The following PEX6 variants were observed in gnomAD, a reference collection of about 807,000 sequenced individuals.
PEX6 encodes peroxisomal biogenesis factor 6, also known as peroxisome biogenesis factor 6.
A neutral mutation model predicts 85.6 loss-of-function variants in PEX6; 55 were observed. That is an observed-to-expected ratio of 0.64 (90% CI 0.52 to 0.80). The LOEUF (loss-of-function observed/expected upper bound fraction) is 0.80, where lower values mean the gene tolerates loss of function less well. Ranked by LOEUF, PEX6 falls within the 30% of genes least tolerant of loss-of-function variation. The probability of loss-of-function intolerance (pLI) is 0.00; values close to 1 mark genes in which losing one functional copy is unlikely to be tolerated. For synonymous variants in PEX6, 519 were observed against 549.1 expected (o/e 0.95, Z 0.77); for missense variants, 1,099 against 1,260.3 (o/e 0.87, Z 1.94).
intron 3 of PEX6, among the ~76,000 whole-genome samples, chr6:42,972,940 C>T (rs1270605864): frequency 5.9e-5 from 9 of 152,098 alleles, no homozygotes; most frequent in South Asian, 2.1e-4. Context: ...AGGCTAAGAA[C>T]GGAAAGGAAG....
rs1158579220 is a variant in PEX6 at position 42,968,302 on chromosome 6, T to C, written c.1676A>G (p.Asp559Gly). ...AVLRHLLLNE[D>G]PLNSCPPLMV... ...TCTGTATAAGTACCTGTTGAGGGGG[T>C]CCTCATTGAGGAGGAGGTGACGCAG... The change falls in exon 7 of 17, where the codon GAC (aspartate) becomes GGC (glycine). Residue 559 changes from aspartate to glycine, a missense_variant. Physicochemically the swap from Asp to Gly is moderately conservative, Grantham distance 94. Coordinates refer to ENST00000304611, the MANE Select transcript of PEX6 (RefSeq NM_000287.4). 6.2e-6 allele frequency: 10 copies of C among 1,613,450 alleles called. No homozygotes were observed. The highest frequency in any genetic ancestry group is 7.6e-6 in the Non-Finnish European group (9 of 1,179,814).
In PEX6 at chr6:42,966,365, T is replaced by G. The variant is rs1250862310; in HGVS notation, c.2177A>C (p.Glu726Ala). 6.2e-7 allele frequency: 1 copy of G among 1,613,836 alleles called. No homozygotes were observed. Among genetic ancestry groups the G allele is most frequent in the African/African-American group, 1.3e-5 (1 of 74,886 alleles). The change falls in exon 11 of 17, where the codon GAG becomes GCG. Residue 726 changes from glutamate to alanine, a missense_variant. Transcript: ENST00000304611. Reference sequence around the variant, plus strand: ...GCCCAGGCTCAGTAGCTCAGGGTGCTCCAGGGGGAGCTGAATGGTCTCCAG... The same window carrying G: ...GCCCAGGCTCAGTAGCTCAGGGTGCGCCAGGGGGAGCTGAATGGTCTCCAG... The part of the protein sequence containing the change: ...EILETIQLPL[E>A]HPELLSLGLR...
Position 42,964,997 on chromosome 6 carries a change from C to T in PEX6, c.2667-68G>A. 2 of 1,613,074 alleles carry T rather than the reference C, an allele frequency of 1.2e-6. No homozygotes were observed. On this transcript the variant is annotated intron_variant, in intron 15 of 16. Coordinates refer to ENST00000304611, the MANE Select transcript of PEX6 (RefSeq NM_000287.4). This position sits in a 1 kb window ranked among gnomAD's most constrained non-coding sequence, Gnocchi z 4.6. Reference sequence around the variant, plus strand: ...TCCCTCGAAAGCCAGTGCTGACCAGCTCATCCTGCATGTTGCATGCATCCC... The same window carrying T: ...TCCCTCGAAAGCCAGTGCTGACCAGTTCATCCTGCATGTTGCATGCATCCC...
In PEX6 at chr6:42,971,939, AC is replaced by A. The variant is rs1325921842; in HGVS notation, c.1131-1953del. ...TGATAGGAGAGAGAGGTGGGAAGTG[AC>A]TGCTAAGTGCCAGCCTGGCATTTTC... On this transcript the variant is annotated intron_variant, in intron 3 of 16. Transcript: ENST00000304611. The surrounding 1 kb of genome is among the most constrained non-coding windows in gnomAD (Gnocchi z 4.4). Among the ~76,000 whole-genome samples the A allele has an allele frequency of 1.3e-5, 2 of 152,226 alleles. No homozygotes were observed. Among genetic ancestry groups the A allele is most frequent in the Non-Finnish European group, 2.9e-5 (2 of 68,034 alleles).
intron 11 of PEX6, 63 bp from the exon 12 acceptor site, chr6:42,966,168 G>A: frequency 6.2e-7 from 1 of 1,609,438 alleles, no homozygotes; most frequent in Non-Finnish European, 8.5e-7. Flanking sequence ...TTGACCTCTT[G>A]GGCAGCCCCT....
At chr6:42,977,768 CAAAAAAAA>C (rs200706906) in intron 1 of PEX6, among the ~76,000 whole-genome samples, 2 of 51,698 alleles carry the variant, frequency 3.9e-5, no homozygotes, top group Non-Finnish European at 6.8e-5. Context: ...GACCCCATCT[CAAAAAAAA>C]AAAAAAAAAA....
chr6:42,970,045 A>G, intron 3 of PEX6, 58 bp from the exon 4 acceptor site: 1 of 1,353,398 alleles, frequency 7.4e-7, no homozygotes, highest in Non-Finnish European at 1.1e-6. Flanking sequence ...CCCCTCCTCA[A>G]GGACAAGGTT....
Position 42,978,669 on chromosome 6 carries a change from C to A in PEX6, c.482G>T (p.Arg161Leu). Residue 161 changes from arginine (R) to leucine (L), a missense_variant, in exon 1 of 17, where the codon CGC becomes CTC. Arg to Leu is a moderately radical substitution (Grantham distance 102, BLOSUM62 -2). Around this residue, in one of 3 missense-constraint regions of PEX6, gnomAD observed 579 missense variants for 611.6 expected, o/e 0.95. Coordinates refer to ENST00000304611, the MANE Select transcript of PEX6 (RefSeq NM_000287.4). ...CTCTGGACACAGTCTGGCCCGCCCG[C>A]GGAGCTCAGTCACAGCCAGCCGAGT... ...PGTRLAVTEL[R>L]GRARLCPESG... The A allele has an allele frequency of 6.4e-7, 1 of 1,562,202 alleles. No individual in the cohort carries two copies. The highest frequency in any genetic ancestry group is 1.9e-5 in the Admixed American group (1 of 53,106).
In PEX6 at chr6:42,979,179, A is replaced by G. The variant is rs1770451980; in HGVS notation, c.-29T>C. On this transcript the variant is annotated 5_prime_UTR_variant, in exon 1 of 17. Coordinates refer to ENST00000304611, the MANE Select transcript of PEX6 (RefSeq NM_000287.4). ...GACAGGACACCAACGAGGAGGGTGA[A>G]GGAGCGCAGCTTCCGGAGCCAGAGA... 6.4e-7 allele frequency: 1 copy of G among 1,566,408 alleles called. No individual in the cohort carries two copies. The highest frequency in any genetic ancestry group is 8.6e-7 in the Non-Finnish European group (1 of 1,164,776).
rs1366185915 is a variant in PEX6, at chr6:42,966,260, C to T, written c.2282G>A (p.Cys761Tyr). 1.2e-6 allele frequency: 2 copies of T among 1,612,210 alleles called. No individual in the cohort carries two copies. The highest frequency in any genetic ancestry group is 2.2e-5 in the East Asian group (1 of 44,868). The change falls in exon 11 of 17, where the codon TGC becomes TAC. Residue 761 changes from cysteine (C) to tyrosine (Y), a missense_variant. Cys to Tyr is a radical substitution (Grantham distance 194, BLOSUM62 -2). Around this residue, in one of 3 missense-constraint regions of PEX6, gnomAD observed 514 missense variants for 627.0 expected, o/e 0.82. Transcript: ENST00000304611. ...TLLAKAVATECSLTFLSVKGP... is the reference protein window; with the variant it reads ...TLLAKAVATEYSLTFLSVKGP... ...TGGCCACCTGAGGAAGGTAAGGCTG[C>T]ACTCAGTGGCTACTGCCTTGGCCAG...
In PEX6 at chr6:42,973,851, A is replaced by C. The variant is rs1362593348; in HGVS notation, c.1130+152T>G. On this transcript the variant is annotated intron_variant, in intron 3 of 16. Transcript: ENST00000304611. ...TAAACTCCAGCCTGGGTAACAGAGC[A>C]AGAACCTGTTACACACACACACGCA... is the stretch of plus-strand genomic sequence containing the variant. 7.4e-6 allele frequency: 5 copies of C among 675,230 alleles called. No homozygotes were observed. In the Middle Eastern group the frequency reaches 7.4e-4, roughly 99 times the overall value. The allele number at this position is 675,230 out of a possible 1,614,324, so 41.8% of individuals were successfully genotyped here.
intron 5 of PEX6, 70 bp downstream of exon 5, chr6:42,969,598 C>T: frequency 6.3e-7 from 1 of 1,595,024 alleles, no homozygotes; most frequent in Non-Finnish European, 8.6e-7. Context: ...AACTACCCAT[C>T]TGGCTGCTGC....
intron 1 of PEX6, among the ~76,000 whole-genome samples, chr6:42,978,017 A>ATT (rs1156943363): frequency 2.0e-5 from 3 of 151,230 alleles, no homozygotes; most frequent in Non-Finnish European, 4.4e-5. Context: ...CTAATTTTAC[A>ATT]TTTTTTTAGT....
Position 42,964,601 on chromosome 6 carries a change from T to C in PEX6, c.2807-130A>G. The stretch of plus-strand genomic sequence containing the variant: ...TCTGGAATCCAGGACTAGGTTTGTC[T>C]CCCACTAGTTTTTTTTTTCCCTTAA... On this transcript the variant is annotated intron_variant, in intron 16 of 16. Coordinates refer to ENST00000304611, the MANE Select transcript of PEX6 (RefSeq NM_000287.4). This position sits in a 1 kb window ranked among gnomAD's most constrained non-coding sequence, Gnocchi z 4.6. The C allele has an allele frequency of 7.5e-7, 1 of 1,327,644 alleles. No individual in the cohort carries two copies. Among genetic ancestry groups the C allele is most frequent in the Non-Finnish European group, 1.1e-6 (1 of 942,716 alleles). The allele number at this position is 1,327,644 out of a possible 1,614,324, so 82.2% of individuals were successfully genotyped here.
intron 1 of PEX6, 35 bp from the exon 2 acceptor site, chr6:42,975,073 T>A (rs1195901090): frequency 3.8e-6 from 6 of 1,559,876 alleles, no homozygotes; most frequent in Non-Finnish European, 4.4e-6. Context: ...TATAACCTTC[T>A]CCTAAGGGGG....
rs1314308308 is a variant in PEX6 at position 42,968,991 on chromosome 6, A to G, written c.1368-6T>C. The G allele has an allele frequency of 6.3e-7, 1 of 1,593,990 alleles. No individual in the cohort carries two copies. Among genetic ancestry groups the G allele is most frequent in the Non-Finnish European group, 8.6e-7 (1 of 1,162,054 alleles). On this transcript the variant is annotated splice_region_variant and splice_polypyrimidine_tract_variant and intron_variant, in intron 5 of 16. Transcript: ENST00000304611. ...TTCCTGTCAGCAGGGCACCCCTGCA[A>G]CCAGAGAACAGACATTCGTCTCCTT...
Position 42,963,906 on chromosome 6 carries a change from G to C in PEX6, c.*429C>G. On this transcript the variant is annotated 3_prime_UTR_variant, in exon 17 of 17. Transcript: ENST00000304611. Reference sequence around the variant, plus strand: ...TGCATTGTGTTTATTTATGTCAGAAGGATCAGGCTCCCATGCTGCCCACCC... The same window carrying C: ...TGCATTGTGTTTATTTATGTCAGAACGATCAGGCTCCCATGCTGCCCACCC... The C allele has an allele frequency of 1.5e-6, 1 of 651,084 alleles. No individual in the cohort carries two copies. The highest frequency in any genetic ancestry group is 2.8e-6 in the Non-Finnish European group (1 of 360,152). The allele number at this position is 651,084 out of a possible 1,614,324, so 40.3% of individuals were successfully genotyped here. A position where few individuals can be genotyped will look rare whatever the true frequency, so the allele number is the denominator to read the frequency against.
chr6:42,964,609 GTT>G lies in PEX6; in HGVS notation c.2807-140_2807-139del. The G allele has an allele frequency of 2.5e-6, 3 of 1,190,226 alleles. No individual in the cohort carries two copies. The highest frequency in any genetic ancestry group is 2.6e-5 in the East Asian group (1 of 37,970). 73.7% of individuals were successfully genotyped at this position (1,190,226 alleles called of 1,614,324 possible). On this transcript the variant is annotated intron_variant, in intron 16 of 16. Coordinates refer to ENST00000304611, the MANE Select transcript of PEX6 (RefSeq NM_000287.4). The surrounding 1 kb of genome is among the most constrained non-coding windows in gnomAD (Gnocchi z 4.6). ...CCAGGACTAGGTTTGTCTCCCACTAGTTTTTTTTTTCCCTTAAACATTTTTTT... is the reference window on the plus strand; with the variant it reads ...CCAGGACTAGGTTTGTCTCCCACTAGTTTTTTTTCCCTTAAACATTTTTTT...
Position 42,964,389 on chromosome 6 carries a change from A to G in PEX6, c.2889T>C (p.Ser963=), listed in dbSNP as rs958283171. 2.5e-6 allele frequency: 4 copies of G among 1,613,864 alleles called. No individual in the cohort carries two copies. The Admixed American group carries it at 5.0e-5, about 20-fold the overall frequency. Reference sequence around the variant, plus strand: ...GCTTGTACCGGAGCAGCTCCTGCTCACTGACTGAGGGTTGCAGCCGGGCGG... The same window carrying G: ...GCTTGTACCGGAGCAGCTCCTGCTCGCTGACTGAGGGTTGCAGCCGGGCGG... ...QAAARLQPSV[S]EQELLRYKRI... Residue 963 remains serine, a synonymous_variant, in exon 17 of 17, where the codon AGT becomes AGC. Transcript: ENST00000304611. This position sits in a 1 kb window ranked among gnomAD's most constrained non-coding sequence, Gnocchi z 4.6.
Sources: gnomAD v4.1 joint callset for allele counts (sites outside exome capture counted in the v4.1 genomes callset) on GRCh38, gnomAD v4.1.1 for gene constraint, gnomAD v4.1.1 regional missense constraint, Gnocchi (gnomAD v3.1) non-coding constraint, MANE v1.5 for transcripts, NCBI Gene and HGNC (gene_info 2026-07-23, HGNC 2026-07-21) for gene names.